ZNF676: variants seen among roughly 807,000 people sequenced by gnomAD.
The protein encoded by ZNF676 is zinc finger protein 676.
A neutral mutation model predicts 6.0 loss-of-function variants in ZNF676; 4 were observed. The observed-to-expected ratio is 0.67, with a 90% confidence interval of 0.33 to 1.53. The LOEUF is 1.53. Among genes scored for constraint, ZNF676 ranks in the 40% most tolerant of loss-of-function variants. ZNF676 has a pLI of 0.06. For missense variants in ZNF676, 644 were observed against 679.7 expected (o/e 0.95, Z 0.58); for synonymous variants, 198 against 223.1 (o/e 0.89, Z 1.00).
At chr19:22,253,440 A>ATG in the ZNF676 span, among the ~76,000 whole-genome samples, 4 of 119,516 alleles carry the variant, frequency 3.3e-5, no homozygotes, top group African/African-American at 1.3e-4. Flanking sequence ...ATATATGATA[A>ATG]TGTGTATATA....
chr19:22,228,880 T>C, the ZNF676 span, among the ~76,000 whole-genome samples: 1 of 152,086 alleles, frequency 6.6e-6, no homozygotes, highest in Non-Finnish European at 1.5e-5. Flanking sequence ...GGAAGAACAT[T>C]CCATGCTCAT....
At chr19:22,250,818 C>G in the ZNF676 span, among the ~76,000 whole-genome samples, 1 of 151,928 alleles carries the variant, frequency 6.6e-6, no homozygotes, top group Non-Finnish European at 1.5e-5. Flanking sequence ...TTCAAGTGAT[C>G]CTCCTGCCTC....
At chr19:22,207,322 G>A (rs1237722938) in intron 1 of ZNF676, among the ~76,000 whole-genome samples, 14 of 152,212 alleles carry the variant, frequency 9.2e-5, no homozygotes, top group South Asian at 8.3e-4. Flanking sequence ...AATCCGAATC[G>A]AAAACACAAT....
At chr19:22,215,884 C>A (rs1022423896), upstream of ZNF676, among the ~76,000 whole-genome samples, 1 of 152,024 alleles carries the variant, frequency 6.6e-6, no homozygotes, top group African/African-American at 2.4e-5. Context: ...CTTTCAGGCC[C>A]TGAGTGACAG....
chr19:22,207,546 A>G (rs2024087715), intron 1 of ZNF676, among the ~76,000 whole-genome samples: 1 of 152,204 alleles, frequency 6.6e-6, no homozygotes, highest in African/African-American at 2.4e-5. Flanking sequence ...TGTAATGCTA[A>G]TTCAATCAAA....
chr19:22,217,250 C>T (rs866562484), upstream of ZNF676, among the ~76,000 whole-genome samples: 1 of 151,986 alleles, frequency 6.6e-6, no homozygotes, highest in Non-Finnish European at 1.5e-5. Flanking sequence ...TTGCCCAGGC[C>T]GGAGTACAGT....
chr19:22,251,963 A>T, the ZNF676 span, among the ~76,000 whole-genome samples: 1 of 152,078 alleles, frequency 6.6e-6, no homozygotes, highest in Non-Finnish European at 1.5e-5. Context: ...ACTGTTGTGG[A>T]TTATATTGTT....
chr19:22,239,796 A>G, the ZNF676 span, among the ~76,000 whole-genome samples: 1 of 152,180 alleles, frequency 6.6e-6, no homozygotes, highest in East Asian at 1.9e-4. Context: ...CACATTATGT[A>G]GAAAATTGGT....
chr19:22,229,653 CAA>C, the ZNF676 span, among the ~76,000 whole-genome samples: 6 of 152,004 alleles, frequency 3.9e-5, no homozygotes, highest in Admixed American at 6.6e-5. Context: ...AACAAATTTA[CAA>C]GAGAAAAGCA....
intron 2 of ZNF676, among the ~76,000 whole-genome samples, chr19:22,186,446 C>T (rs1380611924): frequency 1.3e-5 from 2 of 152,094 alleles, no homozygotes; most frequent in Non-Finnish European, 2.9e-5. Context: ...TTGTAAAGAC[C>T]ATCGACACTA....
chr19:22,217,122 A>G (rs1437449700), upstream of ZNF676, among the ~76,000 whole-genome samples: 2 of 152,030 alleles, frequency 1.3e-5, no homozygotes, highest in Non-Finnish European at 2.9e-5. Flanking sequence ...CACTCTACCC[A>G]ATGTGTAGTC....
the ZNF676 span, among the ~76,000 whole-genome samples, chr19:22,246,020 A>C: frequency 6.6e-6 from 1 of 152,182 alleles, no homozygotes; most frequent in Non-Finnish European, 1.5e-5. Context: ...TGTCTCAGCC[A>C]TACGTCACAG....
Position 22,180,357 on chromosome 19 carries a change from A to G in ZNF676, c.1360T>C (p.Cys454Arg), listed in dbSNP as rs2023716666. The change falls in exon 3 of 3, where the codon TGT becomes CGT. Residue 454 changes from cysteine (C) to arginine (R), a missense_variant. Cys to Arg is a radical substitution (Grantham distance 180). Coordinates refer to ENST00000397121, the MANE Select transcript of ZNF676 (RefSeq NM_001001411.3). ...GAGGACCAGGTGAAGGCTTTGCCAC[A>G]TTCTTCACATTTGTAGGGTTTCTCT... The part of the protein sequence containing the change: ...AGEKPYKCEE[C>R]GKAFTWSSSF... 2 of 1,613,800 alleles carry G rather than the reference A, an allele frequency of 1.2e-6. No individual in the cohort carries two copies. Among genetic ancestry groups the G allele is most frequent in the African/African-American group, 1.3e-5 (1 of 74,874 alleles).
chr19:22,193,694 C>T (rs1360384512), intron 1 of ZNF676, among the ~76,000 whole-genome samples: 1 of 152,050 alleles, frequency 6.6e-6, no homozygotes, highest in African/African-American at 2.4e-5. Context: ...TAGAAACTCC[C>T]ATACAAAAAA....
chr19:22,217,614 TGAGATGGAGTTTGC>T (rs2024206490), upstream of ZNF676, among the ~76,000 whole-genome samples: 1 of 151,694 alleles, frequency 6.6e-6, no homozygotes, highest in Admixed American at 6.6e-5. Flanking sequence ...TTTTTTTTTT[TGAGATGGAGTTTGC>T]TGTGATTACA....
upstream of ZNF676, among the ~76,000 whole-genome samples, chr19:22,217,461 C>T (rs553856241): frequency 6.6e-6 from 1 of 152,332 alleles, no homozygotes; most frequent in South Asian, 2.1e-4. Flanking sequence ...CTCAGCCTCC[C>T]AAAGTGCTGG....
chr19:22,257,510 C>T, the ZNF676 span, among the ~76,000 whole-genome samples: 1 of 152,134 alleles, frequency 6.6e-6, no homozygotes, highest in African/African-American at 2.4e-5. Flanking sequence ...AAATGTGATT[C>T]ACATCACCTA....
the ZNF676 span, among the ~76,000 whole-genome samples, chr19:22,242,730 T>C: frequency 1.3e-5 from 2 of 151,786 alleles, no homozygotes; most frequent in Non-Finnish European, 2.9e-5. Flanking sequence ...GAGTGTAACC[T>C]CACCTAGGTG....
the ZNF676 span, among the ~76,000 whole-genome samples, chr19:22,224,680 C>T: frequency 6.6e-6 from 1 of 152,030 alleles, no homozygotes; most frequent in Non-Finnish European, 1.5e-5. Context: ...AAAATTGATT[C>T]TCTAAAATCT....
Sources: allele counts gnomAD v4.1 joint callset (sites outside exome capture counted in the v4.1 genomes callset), GRCh38; gene constraint gnomAD v4.1.1; transcripts MANE v1.5; gene names NCBI Gene and HGNC (gene_info 2026-07-23, HGNC 2026-07-21).